Variants in AKAP1 observed in about 807,000 individuals in gnomAD.
AKAP1 encodes the protein A-kinase anchor protein 1, mitochondrial.
In AKAP1, 32 loss-of-function variants were observed where a neutral mutation model predicts 79.8. The ratio of observed to expected loss-of-function variants is 0.40; its 90% CI spans 0.30 to 0.54. The LOEUF is 0.54. Among genes scored for constraint, AKAP1 ranks in the 20% least tolerant of loss-of-function variants. The pLI is 0.47. For missense variants in AKAP1, 961 were observed against 1,138.9 expected, an observed-to-expected ratio of 0.84 and a Z score of 2.25; for synonymous variants, 416 against 466.7, an observed-to-expected ratio of 0.89 and a Z score of 1.40.
intron 10 of AKAP1, among the ~76,000 whole-genome samples, chr17:57,119,360 G>C (rs1915779336): frequency 6.6e-6 from 1 of 151,708 alleles, no homozygotes; most frequent in African/African-American, 2.4e-5. Flanking sequence ...CCTTCTGTCT[G>C]TTGAGTTTTT....
At chr17:57,109,267 C>T (rs1017962866) in intron 2 of AKAP1, among the ~76,000 whole-genome samples, 6 of 152,188 alleles carry the variant, frequency 3.9e-5, no homozygotes, top group Admixed American at 1.3e-4. Context: ...CCCTTTGGCA[C>T]GCTCTTGAGT....
chr17:57,087,190 A>T (rs1472030491), intron 1 of AKAP1, among the ~76,000 whole-genome samples: 1 of 152,212 alleles, frequency 6.6e-6, no homozygotes, highest in African/African-American at 2.4e-5. Context: ...CTCTGTCTTC[A>T]TGCATGTTGT....
At chr17:57,087,866 T>C (rs998113) in intron 1 of AKAP1, among the ~76,000 whole-genome samples, 52,119 of 152,102 alleles carry the variant, frequency 0.34, 9,878 homozygotes, top group Admixed American at 0.43. Context: ...TTGTAGCCAA[T>C]GTACCCAGAG....
At chr17:57,085,808 C>G (rs1228462170) in intron 1 of AKAP1, 1 of 152,864 alleles carries the variant, frequency 6.5e-6, no homozygotes, top group East Asian at 1.9e-4. Flanking sequence ...GCCTGCGAGG[C>G]TGACCCGAGC....
Position 57,086,739 on chromosome 17 carries a change from C to G in AKAP1, c.-25+1341C>G, listed in dbSNP as rs922418930. ...CACCGTTCACAAAAAGCTATTAATT[C>G]TGGCAACTAGTAGCCTTACAAGCTC... On this transcript the variant is annotated intron_variant, in intron 1 of 10. Transcript: ENST00000337714. The surrounding 1 kb of genome is among the most constrained non-coding windows in gnomAD (Gnocchi z 5.1). 2.0e-5 allele frequency among the ~76,000 whole-genome samples: 3 copies of G among 152,014 alleles called. No homozygotes were observed. Among genetic ancestry groups the G allele is most frequent in the African/African-American group, 7.2e-5 (3 of 41,410 alleles).
In AKAP1 at chr17:57,105,822, C is replaced by T. The variant is rs746668776; in HGVS notation, c.358C>T (p.Arg120Ter). Reference protein sequence around the residue: ...ILPNTTDMRLRPGTRRDDSTK... With the variant: ...ILPNTTDMRL ...TCCTAACACCACAGACATGAGATTGCGACCAGGAACACGCAGAGATGACAG... is the reference window on the plus strand; with the variant it reads ...TCCTAACACCACAGACATGAGATTGTGACCAGGAACACGCAGAGATGACAG... The change falls in exon 2 of 11, where the codon CGA (arginine) becomes TGA (stop). Residue 120 changes from arginine (R) to a stop codon, truncating the protein, a stop_gained. Transcript: ENST00000337714. LOFTEE classifies it high-confidence loss of function. The T allele has an allele frequency of 3.1e-6, 5 of 1,614,164 alleles. No homozygotes were observed. Among genetic ancestry groups the T allele is most frequent in the South Asian group, 1.1e-5 (1 of 91,080 alleles).
Position 57,112,580 on chromosome 17 carries a change from C to T in AKAP1, c.2065C>T (p.Pro689Ser). 1 of 1,614,148 alleles carries T rather than the reference C, an allele frequency of 6.2e-7. No homozygotes were observed. Among genetic ancestry groups the T allele is most frequent in the Non-Finnish European group, 8.5e-7 (1 of 1,180,008 alleles). ...CACCAATATCTACGCTCCCCCATTG[C>T]CTTCACTGGCACTGCCTTCTCTGCC... ...NLTNIYAPPL[P>S]SLALPSLPMT... The change falls in exon 5 of 11, where the codon CCT (proline) becomes TCT (serine). Residue 689 changes from proline (P) to serine (S), a missense_variant. Around this residue, in one of 3 missense-constraint regions of AKAP1, gnomAD observed 629 missense variants for 781.1 expected, o/e 0.81. Transcript: ENST00000337714.
chr17:57,118,369 T>C lies in AKAP1; in HGVS notation c.2501-12T>C. The C allele has an allele frequency of 6.2e-7, 1 of 1,613,748 alleles. No homozygotes were observed. Among genetic ancestry groups the C allele is most frequent in the Non-Finnish European group, 8.5e-7 (1 of 1,179,778 alleles). ...GAGAGCCTAAATGCCGCTTTTCCTT[T>C]TCCTCCTGAAGACGATGACCAGTTT... On this transcript the variant is annotated splice_polypyrimidine_tract_variant and intron_variant, in intron 8 of 10. Coordinates refer to ENST00000337714, the MANE Select transcript of AKAP1 (RefSeq NM_003488.4).
intron 3 of AKAP1, among the ~76,000 whole-genome samples, chr17:57,111,235 G>A (rs1005688748): frequency 1.3e-5 from 2 of 152,222 alleles, no homozygotes; most frequent in Non-Finnish European, 1.5e-5. Flanking sequence ...GAACTCTGGC[G>A]CACTGGGCAC....
At chr17:57,116,069 C>G in intron 6 of AKAP1, 42 bp from the exon 7 acceptor site, 1 of 1,598,378 alleles carries the variant, frequency 6.3e-7, no homozygotes, top group East Asian at 2.2e-5. Flanking sequence ...GGTGCCCTGC[C>G]CTGGCCCAGG....
chr17:57,099,157 C>T (rs1333226191), intron 1 of AKAP1, among the ~76,000 whole-genome samples: 1 of 152,144 alleles, frequency 6.6e-6, no homozygotes, highest in Non-Finnish European at 1.5e-5. Flanking sequence ...GAGACCCAGC[C>T]AAGGCCTGCT....
rs1215860863 is a variant in AKAP1 at position 57,113,584 on chromosome 17, GACTC to G, written c.2104-870_2104-867del. 5.7e-4 allele frequency among the ~76,000 whole-genome samples: 81 copies of G among 143,092 alleles called. 1 individual carries two copies. Among genetic ancestry groups the G allele is most frequent in the Admixed American group, 1.6e-3 (23 of 14,264 alleles). The allele number at this position is 143,092 out of a possible 152,430, so 93.9% of individuals were successfully genotyped here. ...TTTTTTCCCAGGAGGCTCGGTCGTAGACTCACTCTCTTTTTTTTTTTTTTTTTTT... is the reference window on the plus strand; with the variant it reads ...TTTTTTCCCAGGAGGCTCGGTCGTAGACTCTCTTTTTTTTTTTTTTTTTTT... On this transcript the variant is annotated intron_variant, in intron 5 of 10. Coordinates refer to ENST00000337714, the MANE Select transcript of AKAP1 (RefSeq NM_003488.4).
chr17:57,100,457 A>G (rs1215138259), intron 1 of AKAP1, among the ~76,000 whole-genome samples: 5 of 150,578 alleles, frequency 3.3e-5, no homozygotes, highest in Admixed American at 3.3e-4. Flanking sequence ...GCACACACAC[A>G]CACACAAACA....
intron 8 of AKAP1, among the ~76,000 whole-genome samples, chr17:57,117,471 G>A (rs934331462): frequency 6.6e-6 from 1 of 152,044 alleles, no homozygotes; most frequent in Non-Finnish European, 1.5e-5. Context: ...TGTGTAGAGG[G>A]TGGCGAAATG....
At chr17:57,087,970 T>C (rs1226377941) in intron 1 of AKAP1, among the ~76,000 whole-genome samples, 3 of 152,196 alleles carry the variant, frequency 2.0e-5, no homozygotes, top group Non-Finnish European at 4.4e-5. Context: ...TGTTTTCCTA[T>C]TGTGGGGAAG....
Position 57,086,436 on chromosome 17 carries a change from T to A in AKAP1, c.-25+1038T>A, listed in dbSNP as rs1382472085. ...GGTGCTGTGGCGACTCGGAACGGCA[T>A]GGGAGCCCTGGGCGTTTCGGGATCT... On this transcript the variant is annotated intron_variant, in intron 1 of 10. Coordinates refer to ENST00000337714, the MANE Select transcript of AKAP1 (RefSeq NM_003488.4). This position sits in a 1 kb window ranked among gnomAD's most constrained non-coding sequence, Gnocchi z 5.1. The A allele has an allele frequency of 6.6e-6, 3 of 456,366 alleles. No individual in the cohort carries two copies. Among genetic ancestry groups the A allele is most frequent in the South Asian group, 3.1e-5 (2 of 64,562 alleles). 28.3% of individuals were successfully genotyped at this position (456,366 alleles called of 1,614,324 possible).
chr17:57,118,484 GGCT>G (rs1346444625), intron 9 of AKAP1, 30 bp downstream of exon 9: 1 of 1,611,754 alleles, frequency 6.2e-7, no homozygotes, highest in South Asian at 1.1e-5. Context: ...GGGGGAGGCA[GGCT>G]GGCTGGGTTC....
chr17:57,107,458 C>T (rs1249853636), intron 2 of AKAP1, among the ~76,000 whole-genome samples: 7 of 152,190 alleles, frequency 4.6e-5, no homozygotes, highest in Non-Finnish European at 8.8e-5. Context: ...CCAAGTTGGG[C>T]TCGCTGATTA....
intron 1 of AKAP1, chr17:57,085,624 C>A (rs868185634): frequency 6.6e-6 from 1 of 152,476 alleles, no homozygotes; most frequent in African/African-American, 2.4e-5. Flanking sequence ...CTCGTCCTTC[C>A]CCGCCGGTTG....
Sources: allele counts gnomAD v4.1 joint callset (sites outside exome capture counted in the v4.1 genomes callset), GRCh38; gene constraint gnomAD v4.1.1; regional missense constraint gnomAD v4.1.1; non-coding constraint Gnocchi (gnomAD v3.1); transcripts MANE v1.5; gene names NCBI Gene and HGNC (gene_info 2026-07-23, HGNC 2026-07-21).